The following PEAR1 variants were observed in gnomAD, a reference collection of about 807,000 sequenced individuals.
PEAR1 encodes the protein multiple EGF-like domains protein 12.
A neutral mutation model predicts 131.2 loss-of-function variants in PEAR1; 113 were observed. The ratio of observed to expected loss-of-function variants is 0.86; its 90% CI spans 0.74 to 1.01. The LOEUF is 1.01. Among genes scored for constraint, PEAR1 ranks in the 50% least tolerant of loss-of-function variants. PEAR1 has a pLI of 0.00. For missense variants in PEAR1, 1,408 were observed against 1,391.1 expected (o/e 1.01, Z -0.19); for synonymous variants, 565 against 523.3 (o/e 1.08, Z -1.09).
At chr1:156,897,535 T>C (rs72698679) in intron 1 of PEAR1, among the ~76,000 whole-genome samples, 18,937 of 152,192 alleles carry the variant, frequency 0.12, 1,355 homozygotes, top group East Asian at 0.35. Context: ...GGCTGGGGTT[T>C]GGGGAGGTGT....
intron 1 of PEAR1, among the ~76,000 whole-genome samples, chr1:156,898,544 C>T (rs1358100548): frequency 6.6e-6 from 1 of 152,148 alleles, no homozygotes; most frequent in Non-Finnish European, 1.5e-5. Context: ...GTGCAGCAGG[C>T]TGCTGGGGGA....
rs375752340 is a variant in PEAR1, at chr1:156,906,235, G to T, written c.308-41G>T. On this transcript the variant is annotated intron_variant, in intron 4 of 22. Transcript: ENST00000292357. ...TTTGCAGGATAAAAGCTGGGTAGGGGCAGGGGTGGACACATCTCACCACAC... is the reference window on the plus strand; with the variant it reads ...TTTGCAGGATAAAAGCTGGGTAGGGTCAGGGGTGGACACATCTCACCACAC... 80 of 1,582,340 alleles carry T rather than the reference G, an allele frequency of 5.1e-5. No homozygotes were observed. The African/African-American group carries it at 1.1e-3, about 21-fold the overall frequency.
chr1:156,894,813 G>A (rs1195988064), intron 1 of PEAR1, among the ~76,000 whole-genome samples: 3 of 152,208 alleles, frequency 2.0e-5, no homozygotes, highest in African/African-American at 7.2e-5. Context: ...AGGTTCCCAG[G>A]CTCAGCCAGG....
intron 15 of PEAR1, among the ~76,000 whole-genome samples, chr1:156,911,200 T>TTTC (rs777355978): frequency 3.5e-5 from 4 of 114,256 alleles, no homozygotes; most frequent in African/African-American, 1.1e-4. Flanking sequence ...TCTTTCTTTC[T>TTTC]TTTCTTTCTT....
At chr1:156,906,434 A>G in intron 5 of PEAR1, 66 bp downstream of exon 5, 2 of 1,582,296 alleles carry the variant, frequency 1.3e-6, no homozygotes, top group Non-Finnish European at 1.7e-6. Context: ...CCTCAGGTAC[A>G]CCCTCCCTAC....
At chr1:156,906,570 C>T in intron 5 of PEAR1, 67 bp from the exon 6 acceptor site, 2 of 1,592,748 alleles carry the variant, frequency 1.3e-6, no homozygotes, top group Non-Finnish European at 1.7e-6. Flanking sequence ...GGCTGGGAGA[C>T]AGAGACGGGG....
At position 156,909,866 on chromosome 1, in the gene PEAR1, T is replaced by G. The variant is rs1650843533; in HGVS notation, c.1527T>G (p.Cys509Trp). Residue 509 changes from cysteine to tryptophan, a missense_variant, in exon 12 of 23, where the codon TGT becomes TGG. Transcript: ENST00000292357. ...EAVCSPQTGA[C>W]TCTPGWHGAH... ...TCTGCAGCCCCCAAACTGGAGCCTG[T>G]ACCTGCACCCCTGGGTGGCATGGGG... The G allele has an allele frequency of 6.2e-7, 1 of 1,613,094 alleles. No individual in the cohort carries two copies. Among genetic ancestry groups the G allele is most frequent in the Non-Finnish European group, 8.5e-7 (1 of 1,179,372 alleles).
chr1:156,913,683 C>A lies in PEAR1; in HGVS notation c.2645-9C>A. The A allele has an allele frequency of 6.2e-7, 1 of 1,613,270 alleles. No homozygotes were observed. The highest frequency in any genetic ancestry group is 8.5e-7 in the Non-Finnish European group (1 of 1,179,704). Reference sequence around the variant, plus strand: ...GAGGGCTGATTACCAGTTGCCTCCTCCTCCTCAGGGAGCAGCCGCCTGGAC... The same window carrying A: ...GAGGGCTGATTACCAGTTGCCTCCTACTCCTCAGGGAGCAGCCGCCTGGAC... On this transcript the variant is annotated splice_polypyrimidine_tract_variant and intron_variant, in intron 20 of 22. Coordinates refer to ENST00000292357, the MANE Select transcript of PEAR1 (RefSeq NM_001080471.3).
chr1:156,914,694 C>A lies in PEAR1; in HGVS notation c.3010C>A (p.Pro1004Thr), dbSNP rs114896181. ...GCCCCCTCTGCCTCCGGGCCTACCCCCCGGCCACTATGACTCACCCAAGAA... is the reference window on the plus strand; with the variant it reads ...GCCCCCTCTGCCTCCGGGCCTACCCACCGGCCACTATGACTCACCCAAGAA... ...SQPPLPPGLP[P>T]GHYDSPKNSH... Residue 1004 changes from proline (P) to threonine (T), a missense_variant, in exon 23 of 23, where the codon CCC becomes ACC. By Grantham distance (38) the Pro-to-Thr change is conservative. Coordinates refer to ENST00000292357, the MANE Select transcript of PEAR1 (RefSeq NM_001080471.3). The A allele has an allele frequency of 8.4e-4, 1,350 of 1,613,992 alleles. 3 individuals are homozygous for A. Among genetic ancestry groups the A allele is most frequent in the Non-Finnish European group, 1.0e-3 (1,188 of 1,179,890 alleles).
intron 11 of PEAR1, 110 bp from the exon 12 acceptor site, chr1:156,909,641 C>A: frequency 7.9e-7 from 1 of 1,272,280 alleles, no homozygotes; most frequent in Non-Finnish European, 1.1e-6. Flanking sequence ...GTGAACACCC[C>A]CCACCCACCC....
At chr1:156,911,408 T>C (rs187473790) in intron 15 of PEAR1, among the ~76,000 whole-genome samples, 226 of 151,482 alleles carry the variant, frequency 1.5e-3, no homozygotes, top group African/African-American at 5.3e-3. Context: ...GCCTCCCCAG[T>C]AGCTGGGATT....
At chr1:156,910,476 T>TC in intron 14 of PEAR1, 96 bp downstream of exon 14, 1 of 1,537,368 alleles carries the variant, frequency 6.5e-7, no homozygotes, top group Non-Finnish European at 8.8e-7. Context: ...GCCGCCCACC[T>TC]CTCCCACCTT....
chr1:156,900,427 A>T (rs2102970282), intron 1 of PEAR1, among the ~76,000 whole-genome samples: 1 of 152,002 alleles, frequency 6.6e-6, no homozygotes, highest in South Asian at 2.1e-4. Flanking sequence ...CTTGGGAAAG[A>T]GTAGAATCAT....
intron 14 of PEAR1, 115 bp downstream of exon 14, chr1:156,910,495 T>G: frequency 6.5e-7 from 1 of 1,545,914 alleles, no homozygotes; most frequent in Non-Finnish European, 8.7e-7. Flanking sequence ...TTACCCCCGG[T>G]CTCTTCCTCT....
chr1:156,906,045 A>G (rs946934869), intron 4 of PEAR1, among the ~76,000 whole-genome samples: 1 of 152,134 alleles, frequency 6.6e-6, no homozygotes, highest in Non-Finnish European at 1.5e-5. Flanking sequence ...CATTTTCCCA[A>G]CAAGGTGCTC....
rs1167949038 is a variant in PEAR1 at position 156,903,986 on chromosome 1, T to C, written c.60T>C (p.Thr20=). The C allele has an allele frequency of 1.2e-6, 2 of 1,614,028 alleles. No individual in the cohort carries two copies. The highest frequency in any genetic ancestry group is 2.2e-5 in the South Asian group (2 of 91,082). Residue 20 remains threonine (T), a synonymous_variant, in exon 2 of 23, where the codon ACT becomes ACC. Transcript: ENST00000292357. ...LLAVGLRLAG[T]LNPSDPNTCS... is the part of the protein sequence containing the mutation. ...CTGTGGGCCTGCGGCTGGCTGGAAC[T>C]CTCAACCCCAGTGATCCCAATACCT...
At chr1:156,906,450 C>T (rs1386885507) in intron 5 of PEAR1, 82 bp downstream of exon 5, 1 of 1,563,870 alleles carries the variant, frequency 6.4e-7, no homozygotes, top group Non-Finnish European at 8.8e-7. Context: ...CCTACCAGGG[C>T]ACAGGGGCTT....
rs1374585172 is a variant in PEAR1 at position 156,908,221 on chromosome 1, C to A, written c.996C>A (p.Gly332=). The A allele has an allele frequency of 3.7e-6, 6 of 1,602,448 alleles. No homozygotes were observed. In the Admixed American group the frequency reaches 5.0e-5, roughly 13 times the overall value. The change falls in exon 9 of 23, where the codon GGC becomes GGA. Residue 332 remains glycine (G), a synonymous_variant. Coordinates refer to ENST00000292357, the MANE Select transcript of PEAR1 (RefSeq NM_001080471.3). The surrounding 1 kb of genome is among the most constrained non-coding windows in gnomAD (Gnocchi z 4.2). ...ACGCCCGTTGCTTCCCGGCCAACGG[C>A]GCATGTCTGTGCGAACACGGCTTCA... The part of the protein sequence containing the change: ...APDARCFPAN[G]ACLCEHGFTG...
In PEAR1 at chr1:156,905,084, G is replaced by GT. The variant is rs1196564612; in HGVS notation, c.206+232_206+233insT. On this transcript the variant is annotated intron_variant, in intron 3 of 22. Transcript: ENST00000292357. ...GTTACAGTATATGCCTGTGGGGTTG[G>GT]GGGGGGGGCAAGAAGGGAATGCTCT... The GT allele has an allele frequency of 6.6e-6, 7 of 1,055,746 alleles. No homozygotes were observed. The African/African-American group carries it at 1.1e-4, about 16-fold the overall frequency. The allele number at this position is 1,055,746 out of a possible 1,614,324, so 65.4% of individuals were successfully genotyped here. A position where few individuals can be genotyped will look rare whatever the true frequency, so the allele number is the denominator to read the frequency against.
Sources: allele counts gnomAD v4.1 joint callset (sites outside exome capture counted in the v4.1 genomes callset), GRCh38; gene constraint gnomAD v4.1.1; non-coding constraint Gnocchi (gnomAD v3.1); transcripts MANE v1.5; gene names NCBI Gene and HGNC (gene_info 2026-07-23, HGNC 2026-07-21).